Variants in SDK2 observed in about 807,000 individuals in gnomAD.
SDK2 encodes sidekick cell adhesion molecule 2, also known as protein sidekick-2.
In SDK2, 105 loss-of-function variants were observed where a neutral mutation model predicts 253.9. The ratio of observed to expected loss-of-function variants is 0.41; its 90% confidence interval spans 0.35 to 0.49. The LOEUF (loss-of-function observed/expected upper bound fraction) is 0.49. Ranked by LOEUF, SDK2 falls within the 20% of genes least tolerant of loss-of-function variation. The pLI is 0.06. For missense variants in SDK2, 2,608 were observed against 3,003.0 expected (o/e 0.87, Z 3.07); for synonymous variants, 1,249 against 1,234.9 (o/e 1.01, Z -0.24).
chr17:73,587,297 C>A lies in SDK2; in HGVS notation c.64+56728G>T, dbSNP rs151127466. 2.5e-4 allele frequency among the ~76,000 whole-genome samples: 38 copies of A among 152,354 alleles called. No individual in the cohort carries two copies. The East Asian group carries it at 7.1e-3, about 29-fold the overall frequency. On this transcript the variant is annotated intron_variant, in intron 1 of 44. Coordinates refer to ENST00000392650, the MANE Select transcript of SDK2 (RefSeq NM_001144952.2). ...ACCCCAAGTACATGTCCATAAGCCA[C>A]TGGCCCGAGGTGGAGCCAGGAGCCT...
rs1375090947 is a variant in SDK2 at position 73,430,362 on chromosome 17, C to G, written c.1583+149G>C. 6.5e-6 allele frequency: 4 copies of G among 618,150 alleles called. No individual in the cohort carries two copies. The Admixed American group carries it at 1.1e-4, about 17-fold the overall frequency. 38.3% of individuals were successfully genotyped at this position (618,150 alleles called of 1,614,324 possible). On this transcript the variant is annotated intron_variant, in intron 12 of 44. Coordinates refer to ENST00000392650, the MANE Select transcript of SDK2 (RefSeq NM_001144952.2). ...TTATTTCATACCCCCTACCTCTCAG[C>G]CCTGCACTCAGCTCTGGAAATGCCA...
chr17:73,413,670 T>C (rs2063157138), intron 18 of SDK2, among the ~76,000 whole-genome samples: 1 of 152,228 alleles, frequency 6.6e-6, no homozygotes, highest in Non-Finnish European at 1.5e-5. Context: ...TTATCTCACT[T>C]AATCCTCACA....
At chr17:73,415,422 A>G (rs2063172229) in intron 17 of SDK2, among the ~76,000 whole-genome samples, 1 of 141,244 alleles carries the variant, frequency 7.1e-6, no homozygotes, top group Non-Finnish European at 1.5e-5. Flanking sequence ...GCACGATCTC[A>G]GCTCATTGCA....
intron 2 of SDK2, among the ~76,000 whole-genome samples, chr17:73,500,890 C>T (rs1002102559): frequency 6.6e-6 from 1 of 151,670 alleles, no homozygotes; most frequent in African/African-American, 2.4e-5. Flanking sequence ...CCCTCCATCT[C>T]CTCCATCCTC....
intron 12 of SDK2, among the ~76,000 whole-genome samples, chr17:73,426,208 C>CTTTTTTTT (rs751417057): frequency 0.044 from 1,271 of 29,024 alleles, 221 homozygotes; most frequent in Middle Eastern, 0.083. Context: ...CCATGCTGGG[C>CTTTTTTTT]TTTTTTTTTT....
rs1431666690 is a variant in SDK2 at position 73,643,893 on chromosome 17, C to T, written c.64+132G>A. 14 of 774,110 alleles carry T rather than the reference C, an allele frequency of 1.8e-5. 1 individual carries two copies. Among genetic ancestry groups the T allele is most frequent in the Middle Eastern group, 3.6e-4 (1 of 2,746 alleles). The allele number at this position is 774,110 out of a possible 1,614,324, so 48.0% of individuals were successfully genotyped here. On this transcript the variant is annotated intron_variant, in intron 1 of 44. Coordinates refer to ENST00000392650, the MANE Select transcript of SDK2 (RefSeq NM_001144952.2). The surrounding 1 kb of genome is among the most constrained non-coding windows in gnomAD (Gnocchi z 6.9). ...TTGGGAGATGGGGTGTCTTGAAACT[C>T]CCTGGAGAGGGCTCTGCCACGGCTA...
chr17:73,347,650 G>T (rs949037979), intron 44 of SDK2, among the ~76,000 whole-genome samples: 1 of 152,180 alleles, frequency 6.6e-6, no homozygotes, highest in Non-Finnish European at 1.5e-5. Flanking sequence ...CCAGGCCTGG[G>T]CAGAAAGGTC....
At chr17:73,432,791 C>T (rs1478155719) in intron 10 of SDK2, among the ~76,000 whole-genome samples, 1 of 151,918 alleles carries the variant, frequency 6.6e-6, no homozygotes, top group Non-Finnish European at 1.5e-5. Flanking sequence ...TGTGTATGTA[C>T]ATGTGTGTGC....
intron 1 of SDK2, among the ~76,000 whole-genome samples, chr17:73,533,538 CT>C (rs1053868466): frequency 1.4e-3 from 207 of 152,360 alleles, no homozygotes; most frequent in African/African-American, 4.7e-3. Context: ...ATCATCACTA[CT>C]GCCCACCATC....
At chr17:73,504,826 T>C (rs28428883) in intron 2 of SDK2, among the ~76,000 whole-genome samples, 4,820 of 152,110 alleles carry the variant, frequency 0.032, 236 homozygotes, top group African/African-American at 0.1. Context: ...AGACCCTTGA[T>C]GGTCTAGCGG....
chr17:73,580,760 C>G (rs142833420), intron 1 of SDK2, among the ~76,000 whole-genome samples: 1 of 152,008 alleles, frequency 6.6e-6, no homozygotes, highest in Admixed American at 6.5e-5. Context: ...GGACCCAAAG[C>G]GTTTTGGATT....
chr17:73,439,733 G>T (rs575942202), intron 6 of SDK2, among the ~76,000 whole-genome samples: 9 of 152,214 alleles, frequency 5.9e-5, no homozygotes, highest in Non-Finnish European at 1.3e-4. Flanking sequence ...TTCCGCTGGG[G>T]TTGGTGCTCA....
intron 1 of SDK2, among the ~76,000 whole-genome samples, chr17:73,638,999 G>A (rs886235621): frequency 6.6e-6 from 1 of 151,868 alleles, no homozygotes; most frequent in African/African-American, 2.4e-5. Context: ...TAATAGAGAT[G>A]GGGTTTCCCC....
At chr17:73,521,390 T>A (rs1467079122) in intron 1 of SDK2, 1 of 151,902 alleles carries the variant, frequency 6.6e-6, no homozygotes, top group African/African-American at 2.4e-5. Context: ...TAAAAAAAAA[T>A]AAAAAACATA....
At chr17:73,601,452 T>C (rs994094769) in intron 1 of SDK2, among the ~76,000 whole-genome samples, 2 of 152,220 alleles carry the variant, frequency 1.3e-5, no homozygotes, top group Non-Finnish European at 2.9e-5. Context: ...GTTGCATATG[T>C]TCTGAATTAC....
rs2063028432 is a variant in SDK2 at position 73,401,741 on chromosome 17, C to T, written c.2692G>A (p.Val898Met). 4 of 1,577,584 alleles carry T rather than the reference C, an allele frequency of 2.5e-6. No homozygotes were observed. The highest frequency in any genetic ancestry group is 1.2e-5 in the South Asian group (1 of 86,166). The change falls in exon 20 of 45, where the codon GTG becomes ATG. Residue 898 changes from valine to methionine, a missense_variant. By Grantham distance (21) the Val-to-Met change is conservative. Transcript: ENST00000392650. The stretch of plus-strand genomic sequence containing the variant: ...ATCTCACTGAAGCTCAGGTGTCCCA[C>T]GGGCCCAGGCACTGCACCCCAAAAG... ...VRTHEDVPGPVGHLSFSEILD... is the reference protein window; with the variant it reads ...VRTHEDVPGPMGHLSFSEILD...
At chr17:73,513,646 TC>T (rs1199696352) in intron 1 of SDK2, 1 of 152,190 alleles carries the variant, frequency 6.6e-6, no homozygotes, top group Non-Finnish European at 1.5e-5. Flanking sequence ...TGACAGTACT[TC>T]AGAGCCGCTC....
intron 2 of SDK2, among the ~76,000 whole-genome samples, chr17:73,494,629 G>GTCAAC (rs2063829651): frequency 1.3e-5 from 2 of 152,196 alleles, no homozygotes; most frequent in Admixed American, 1.3e-4. Context: ...TTGCGAGGTT[G>GTCAAC]TCAACTCAAG....
At position 73,431,380 on chromosome 17, in the gene SDK2, C is replaced by T; in HGVS notation, c.1480+122G>A. ...AGAAGGGCCCTGACTGGGACAGACA[C>T]TGGGGATGGAGACACTGGTGGTATG... On this transcript the variant is annotated intron_variant, in intron 11 of 44. Coordinates refer to ENST00000392650, the MANE Select transcript of SDK2 (RefSeq NM_001144952.2). This position sits in a 1 kb window ranked among gnomAD's most constrained non-coding sequence, Gnocchi z 5.6. The T allele has an allele frequency of 1.0e-6, 1 of 963,930 alleles. No homozygotes were observed. The highest frequency in any genetic ancestry group is 1.5e-6 in the Non-Finnish European group (1 of 663,124). The allele number at this position is 963,930 out of a possible 1,614,324, so 59.7% of individuals were successfully genotyped here. A position where few individuals can be genotyped will look rare whatever the true frequency, so the allele number is the denominator to read the frequency against.
Sources: gnomAD v4.1 joint callset for allele counts (sites outside exome capture counted in the v4.1 genomes callset) on GRCh38, gnomAD v4.1.1 for gene constraint, Gnocchi (gnomAD v3.1) non-coding constraint, MANE v1.5 for transcripts, NCBI Gene and HGNC (gene_info 2026-07-23, HGNC 2026-07-21) for gene names.